The following CEP57 variants were observed in gnomAD, a reference collection of about 807,000 sequenced individuals.
The protein encoded by CEP57 is centrosomal protein of 57 kDa.
In CEP57, 40 loss-of-function variants were observed where a neutral mutation model predicts 68.0. The ratio of observed to expected loss-of-function variants is 0.59; its 90% CI spans 0.46 to 0.77. CEP57 has a LOEUF of 0.77. Ranked by LOEUF, CEP57 falls within the 30% of genes least tolerant of loss-of-function variation. CEP57 has a pLI of 0.00. For missense variants in CEP57, 606 were observed against 580.7 expected, an observed-to-expected ratio of 1.04 and a Z score of -0.45; for synonymous variants, 219 against 198.7, an observed-to-expected ratio of 1.10 and a Z score of -0.86.
intron 1 of CEP57, among the ~76,000 whole-genome samples, chr11:95,795,888 A>C (rs890406851): frequency 6.6e-6 from 1 of 152,206 alleles, no homozygotes; most frequent in Non-Finnish European, 1.5e-5. Context: ...TGTATTCATT[A>C]ACCTGGAAAT....
chr11:95,804,359 A>G (rs1272015012), intron 2 of CEP57, among the ~76,000 whole-genome samples: 2 of 152,240 alleles, frequency 1.3e-5, no homozygotes, highest in Non-Finnish European at 2.9e-5. Flanking sequence ...CCAGGACAGT[A>G]AGGATGGAAC....
In CEP57 at chr11:95,817,848, T is replaced by C. The variant is rs928707774; in HGVS notation, c.566T>C (p.Leu189Ser). 6 of 1,613,858 alleles carry C rather than the reference T, an allele frequency of 3.7e-6. No homozygotes were observed. The highest frequency in any genetic ancestry group is 1.3e-5 in the African/African-American group (1 of 74,900). ...QTHVQSQLEKLDLLEQEYNKL... is the reference protein window; with the variant it reads ...QTHVQSQLEKSDLLEQEYNKL... ...CATGTTCAGAGCCAACTTGAAAAAT[T>C]GGATCTTCTTGAACAGGAGTATAAC... is the stretch of plus-strand genomic sequence containing the variant. Residue 189 changes from leucine (L) to serine (S), a missense_variant, in exon 5 of 11, where the codon TTG becomes TCG. By Grantham distance (145) the Leu-to-Ser change is moderately radical (BLOSUM62 -2). Coordinates refer to ENST00000325542, the MANE Select transcript of CEP57 (RefSeq NM_014679.5).
intron 2 of CEP57, among the ~76,000 whole-genome samples, chr11:95,803,426 A>G (rs1861661505): frequency 6.6e-6 from 1 of 152,192 alleles, no homozygotes; most frequent in Non-Finnish European, 1.5e-5. Flanking sequence ...AAAAGAAAGT[A>G]GAGGGAGAAA....
chr11:95,822,977 CA>C (rs1862576746), intron 8 of CEP57: 3 of 250,844 alleles, frequency 1.2e-5, no homozygotes, highest in African/African-American at 6.7e-5. Flanking sequence ...TCCTCACATC[CA>C]GATCATTTCT....
intron 1 of CEP57, among the ~76,000 whole-genome samples, chr11:95,793,314 G>T (rs566848071): frequency 7.2e-5 from 11 of 152,294 alleles, no homozygotes; most frequent in African/African-American, 2.6e-4. Flanking sequence ...GGGCAGCATT[G>T]TGTTGAAATA....
At chr11:95,791,093 C>A (rs1170836059) in intron 1 of CEP57, among the ~76,000 whole-genome samples, 2 of 152,144 alleles carry the variant, frequency 1.3e-5, no homozygotes, top group Admixed American at 6.5e-5. Context: ...GTTCAGCGGC[C>A]CCTCTAGGAA....
intron 2 of CEP57, among the ~76,000 whole-genome samples, chr11:95,809,625 A>G (rs1287513710): frequency 6.6e-6 from 1 of 152,222 alleles, no homozygotes; most frequent in East Asian, 1.9e-4. Context: ...TACTGGACAC[A>G]TACACCCTCC....
rs145057811 is a variant in CEP57, at chr11:95,811,252, A to G, written c.203-1680A>G. Among the ~76,000 whole-genome samples the G allele has an allele frequency of 2.9e-3, 449 of 152,252 alleles. 3 individuals carry two copies. Among genetic ancestry groups the G allele is most frequent in the African/African-American group, 9.6e-3 (398 of 41,544 alleles). ...ACACCATGGAATACTATGCAGCTGT[A>G]AAAAAGATTGAGTTCATGTCCTTTG... is the stretch of plus-strand genomic sequence containing the variant. On this transcript the variant is annotated intron_variant, in intron 2 of 10. Transcript: ENST00000325542.
rs188934174 is a variant in CEP57, at chr11:95,827,711, C to T, written c.886-75C>T. 3.4e-4 allele frequency: 544 copies of T among 1,582,058 alleles called. No homozygotes were observed. In the African/African-American group the frequency reaches 6.3e-3, roughly 18 times the overall value. ...TTTAGGGGGTGGAGAGTTCTTTTTA[C>T]CTAGGCTTAGGGAATAGAAAGTGGT... On this transcript the variant is annotated intron_variant, in intron 8 of 10. Coordinates refer to ENST00000325542, the MANE Select transcript of CEP57 (RefSeq NM_014679.5).
At chr11:95,804,412 T>C (rs1861706630) in intron 2 of CEP57, among the ~76,000 whole-genome samples, 1 of 152,224 alleles carries the variant, frequency 6.6e-6, no homozygotes, top group Admixed American at 6.5e-5. Flanking sequence ...GTCTTGGCAT[T>C]AGGTATAAGC....
chr11:95,826,207 T>G (rs1316304837), intron 8 of CEP57: 4 of 152,244 alleles, frequency 2.6e-5, no homozygotes, highest in Non-Finnish European at 5.9e-5. Context: ...GTGATCCAGT[T>G]AATGAATAGT....
At chr11:95,824,053 A>C (rs1862630536) in intron 8 of CEP57, among the ~76,000 whole-genome samples, 1 of 149,982 alleles carries the variant, frequency 6.7e-6, no homozygotes, top group African/African-American at 2.5e-5. Flanking sequence ...AAATAAATGA[A>C]TCCAGCTGAA....
rs149713735 is a variant in CEP57, at chr11:95,813,215, G to T, written c.382+104G>T. The T allele has an allele frequency of 7.4e-6, 9 of 1,217,352 alleles. No homozygotes were observed. In the East Asian group the frequency reaches 2.3e-4, roughly 31 times the overall value. The allele number at this position is 1,217,352 out of a possible 1,614,324, so 75.4% of individuals were successfully genotyped here. On this transcript the variant is annotated intron_variant, in intron 3 of 10. Coordinates refer to ENST00000325542, the MANE Select transcript of CEP57 (RefSeq NM_014679.5). ...TAGTGTTTTGTAGCGGTATCTTCAA[G>T]TACTACAAAACTGCATTGTATTCTG...
At chr11:95,810,212 G>GAT (rs1285396802) in intron 2 of CEP57, among the ~76,000 whole-genome samples, 1 of 152,116 alleles carries the variant, frequency 6.6e-6, no homozygotes, top group African/African-American at 2.4e-5. Context: ...AAAACAATAT[G>GAT]AGTGATTTGT....
chr11:95,795,851 A>G (rs1026111883), intron 1 of CEP57, among the ~76,000 whole-genome samples: 1 of 152,178 alleles, frequency 6.6e-6, no homozygotes, highest in Non-Finnish European at 1.5e-5. Context: ...ACATGTGTAC[A>G]CAAACTCTTT....
In CEP57 at chr11:95,822,501, A is replaced by G. The variant is rs1258137239; in HGVS notation, c.810A>G (p.Lys270=). 2.5e-6 allele frequency: 4 copies of G among 1,611,060 alleles called. No individual in the cohort carries two copies. The highest frequency in any genetic ancestry group is 3.4e-6 in the Non-Finnish European group (4 of 1,177,480). The stretch of plus-strand genomic sequence containing the variant: ...GTTTTCCTTTTCTTTTCATTCAGAA[A>G]AGTTCTAGGAACTATTTTGGTGCAC... ...KKKKSKPPEK[K]SSRNYFGAQP... Residue 270 remains lysine, a splice_region_variant and synonymous_variant, in exon 8 of 11, where the codon AAA becomes AAG. Coordinates refer to ENST00000325542, the MANE Select transcript of CEP57 (RefSeq NM_014679.5).
intron 1 of CEP57, among the ~76,000 whole-genome samples, chr11:95,790,983 G>A (rs991294713): frequency 3.3e-5 from 5 of 152,168 alleles, no homozygotes; most frequent in Non-Finnish European, 7.3e-5. Context: ...TTCACCTTTT[G>A]GCGTAGCAAC....
chr11:95,808,546 C>CA (rs1409500452), intron 2 of CEP57, among the ~76,000 whole-genome samples: 1 of 151,634 alleles, frequency 6.6e-6, no homozygotes, highest in Admixed American at 6.6e-5. Context: ...AAATGGAAAA[C>CA]AAAAAAAGGC....
Position 95,813,023 on chromosome 11 carries a change from T to C in CEP57, c.294T>C (p.Ser98=). The change falls in exon 3 of 11, where the codon TCT becomes TCC. Residue 98 remains serine, a synonymous_variant. Coordinates refer to ENST00000325542, the MANE Select transcript of CEP57 (RefSeq NM_014679.5). ...CAGAAGAAAGTGTGAAAACCTTGTC[T>C]AGAGAAACAATTGAATATAAGAAAG... ...IQAEESVKTL[S]RETIEYKKVL... 1.9e-6 allele frequency: 3 copies of C among 1,613,878 alleles called. No individual in the cohort carries two copies. The highest frequency in any genetic ancestry group is 2.5e-6 in the Non-Finnish European group (3 of 1,179,912).
Sources: gnomAD v4.1 joint callset for allele counts (sites outside exome capture counted in the v4.1 genomes callset) on GRCh38, gnomAD v4.1.1 for gene constraint, MANE v1.5 for transcripts, NCBI Gene and HGNC (gene_info 2026-07-23, HGNC 2026-07-21) for gene names.